The following ZGRF1 variants were observed in gnomAD, a reference collection of about 807,000 sequenced individuals.
The protein encoded by ZGRF1 is 5'-3' DNA helicase ZGRF1.
In ZGRF1, 196 loss-of-function variants were observed where a neutral mutation model predicts 203.5. That is an observed-to-expected ratio of 0.96 (90% CI 0.86 to 1.08). The LOEUF (loss-of-function observed/expected upper bound fraction) is 1.08, where lower values mean the gene tolerates loss of function less well. ZGRF1 is among the 50% of genes least tolerant of loss of function. The pLI is 0.00. For missense variants in ZGRF1, 2,326 were observed against 2,416.3 expected (o/e 0.96, Z 0.78); for synonymous variants, 809 against 841.3 (o/e 0.96, Z 0.66).
chr4:112,573,233 C>A (rs1031819897), intron 16 of ZGRF1, among the ~76,000 whole-genome samples: 3 of 150,320 alleles, frequency 2.0e-5, no homozygotes, highest in Admixed American at 2.0e-4. Flanking sequence ...TAAAAAGAAA[C>A]GAATAATGGC....
chr4:112,551,979 T>C (rs1348346866), intron 22 of ZGRF1, among the ~76,000 whole-genome samples: 1 of 152,160 alleles, frequency 6.6e-6, no homozygotes, highest in African/African-American at 2.4e-5. Flanking sequence ...CATGCCACTT[T>C]AGAAATGAGT....
chr4:112,568,787 G>A (rs561563827), intron 16 of ZGRF1, among the ~76,000 whole-genome samples: 10 of 151,518 alleles, frequency 6.6e-5, no homozygotes, highest in South Asian at 4.2e-4. Context: ...AGGCCAAGGC[G>A]GGCAGATTAC....
chr4:112,619,593 A>ATAGTAGGGCCAGTTTTCT lies in ZGRF1; in HGVS notation c.431_448dup (p.Lys144_Thr149dup). 1 of 1,614,138 alleles carries ATAGTAGGGCCAGTTTTCT rather than the reference A, an allele frequency of 6.2e-7. No homozygotes were observed. Among genetic ancestry groups the ATAGTAGGGCCAGTTTTCT allele is most frequent in the Non-Finnish European group, 8.5e-7 (1 of 1,180,000 alleles). ...AGGCATGCTGCAGAATGGAGAAAAA[A>ATAGTAGGGCCAGTTTTCT]TAGTAGGGCCAGTTTTCTTAGCCTC... On this transcript the variant is annotated inframe_insertion, in exon 6 of 28. Coordinates refer to ENST00000505019, the MANE Select transcript of ZGRF1 (RefSeq NM_018392.5).
chr4:112,564,855 T>G, intron 16 of ZGRF1: 2 of 604,648 alleles, frequency 3.3e-6, no homozygotes, highest in East Asian at 5.6e-5. Flanking sequence ...GAAGGTCACA[T>G]TATAAATTCT....
chr4:112,621,359 TAAG>T (rs1193599632), intron 4 of ZGRF1, among the ~76,000 whole-genome samples: 1 of 152,048 alleles, frequency 6.6e-6, no homozygotes, highest in Non-Finnish European at 1.5e-5. Context: ...AGCATAAAAA[TAAG>T]ATTATCACCA....
At chr4:112,608,196 G>A (rs1253885808) in intron 8 of ZGRF1, among the ~76,000 whole-genome samples, 3 of 152,116 alleles carry the variant, frequency 2.0e-5, no homozygotes, top group Admixed American at 6.6e-5. Context: ...TTATAGGCAC[G>A]GGCCACTGCT....
At chr4:112,545,421 A>G (rs1738548307) in intron 24 of ZGRF1, among the ~76,000 whole-genome samples, 1 of 152,200 alleles carries the variant, frequency 6.6e-6, no homozygotes, top group Non-Finnish European at 1.5e-5. Flanking sequence ...CTTTAGGGAA[A>G]CCACAATAAG....
intron 24 of ZGRF1, among the ~76,000 whole-genome samples, chr4:112,543,497 CT>C (rs1441626200): frequency 6.6e-6 from 1 of 152,174 alleles, no homozygotes; most frequent in Non-Finnish European, 1.5e-5. Context: ...GACTAAATCA[CT>C]TTTTTGTCCA....
intron 16 of ZGRF1, chr4:112,565,525 A>G (rs1742890405): frequency 3.3e-6 from 2 of 601,534 alleles, no homozygotes; most frequent in Admixed American, 6.0e-5. Flanking sequence ...GAGCTTCTGC[A>G]CAGCAAAAGA....
At position 112,587,277 on chromosome 4, in the gene ZGRF1, C is replaced by T. The variant is rs775750981; in HGVS notation, c.3777+3G>A. ...GCACCACAAGACCGGTACATTTCCTCACCTGTAAATCCTTTACACTGTAGT... is the reference window on the plus strand; with the variant it reads ...GCACCACAAGACCGGTACATTTCCTTACCTGTAAATCCTTTACACTGTAGT... On this transcript the variant is annotated splice_donor_region_variant and intron_variant, in intron 12 of 27. Transcript: ENST00000505019. 6.3e-7 allele frequency: 1 copy of T among 1,592,298 alleles called. No homozygotes were observed. Among genetic ancestry groups the T allele is most frequent in the East Asian group, 2.2e-5 (1 of 44,660 alleles).
chr4:112,621,661 A>AAATC (rs2047064300), intron 4 of ZGRF1, among the ~76,000 whole-genome samples: 1 of 151,742 alleles, frequency 6.6e-6, no homozygotes, highest in Non-Finnish European at 1.5e-5. Context: ...CTCAAAAAAA[A>AAATC]AAAAAAATTA....
chr4:112,584,002 T>A lies in ZGRF1; in HGVS notation c.4274A>T (p.Tyr1425Phe). ...CCTCACCAAAAGCTGGCATTCCTCA[T>A]AAAGTGGTATCTTTTGACTTCTTAA... ...LYLRSQKIPL[Y>F]EECQLLVRKG... The change falls in exon 15 of 28, where the codon TAT becomes TTT. Residue 1425 changes from tyrosine to phenylalanine, a missense_variant. Physicochemically the swap from Tyr to Phe is conservative, Grantham distance 22 (BLOSUM62 3). Coordinates refer to ENST00000505019, the MANE Select transcript of ZGRF1 (RefSeq NM_018392.5). The A allele has an allele frequency of 6.2e-7, 1 of 1,606,748 alleles. No individual in the cohort carries two copies.
chr4:112,619,087 T>A lies in ZGRF1; in HGVS notation c.955A>T (p.Asn319Tyr), dbSNP rs748319184. 5 of 1,613,994 alleles carry A rather than the reference T, an allele frequency of 3.1e-6. No homozygotes were observed. The highest frequency in any genetic ancestry group is 4.2e-6 in the Non-Finnish European group (5 of 1,179,964). Residue 319 changes from asparagine (N) to tyrosine (Y), a missense_variant, in exon 6 of 28, where the codon AAT becomes TAT. Physicochemically the swap from Asn to Tyr is moderately radical, Grantham distance 143 (BLOSUM62 -2). Transcript: ENST00000505019. Reference sequence around the variant, plus strand: ...CACCGGCTTTTATTTCTCATGGTATTTTCTGATTGATGCTGGTAGTATAAA... The same window carrying A: ...CACCGGCTTTTATTTCTCATGGTATATTCTGATTGATGCTGGTAGTATAAA... ...ENLYYQHQSE[N>Y]TMRNKSRWAM...
Position 112,539,885 on chromosome 4 carries a change from T to C in ZGRF1, c.6150A>G (p.Gly2050=). The C allele has an allele frequency of 6.2e-7, 1 of 1,613,858 alleles. No homozygotes were observed. The highest frequency in any genetic ancestry group is 8.5e-7 in the Non-Finnish European group (1 of 1,179,806). Residue 2050 remains glycine (G), a synonymous_variant, in exon 27 of 28, where the codon GGA becomes GGG. Coordinates refer to ENST00000505019, the MANE Select transcript of ZGRF1 (RefSeq NM_018392.5). The part of the protein sequence containing the change: ...LACLRKNQLW[G]RVIQHCEGRE... ...TACCTTCGCAGTGTTGGATCACTCG[T>C]CCCCAAAGTTGATTTTTCCTCAAAC...
intron 15 of ZGRF1, among the ~76,000 whole-genome samples, chr4:112,582,602 G>A (rs1391579564): frequency 6.6e-6 from 1 of 151,924 alleles, no homozygotes; most frequent in African/African-American, 2.4e-5. Context: ...TACAGGTGCA[G>A]GCCACCACAC....
At chr4:112,609,105 G>A (rs1204294209) in intron 8 of ZGRF1, among the ~76,000 whole-genome samples, 1 of 151,348 alleles carries the variant, frequency 6.6e-6, no homozygotes, top group East Asian at 1.9e-4. Context: ...CCAGGCTGGA[G>A]TGCAGTGGCG....
intron 10 of ZGRF1, among the ~76,000 whole-genome samples, chr4:112,595,213 G>C (rs774605527): frequency 5.3e-5 from 8 of 152,184 alleles, no homozygotes; most frequent in Non-Finnish European, 8.8e-5. Context: ...GTCATTGCCT[G>C]TACATGTGCA....
intron 22 of ZGRF1, among the ~76,000 whole-genome samples, chr4:112,551,769 T>A (rs573027346): frequency 2.0e-5 from 3 of 152,212 alleles, no homozygotes; most frequent in Middle Eastern, 3.4e-3. Flanking sequence ...TCTAAAGTTA[T>A]GTGTCAAGAA....
intron 8 of ZGRF1, among the ~76,000 whole-genome samples, chr4:112,607,017 ATATT>A (rs1264631045): frequency 2.0e-5 from 3 of 152,246 alleles, no homozygotes; most frequent in Admixed American, 6.5e-5. Flanking sequence ...ATAAAGTAGT[ATATT>A]TCTTCAAATA....
Sources: allele counts gnomAD v4.1 joint callset (sites outside exome capture counted in the v4.1 genomes callset), GRCh38; gene constraint gnomAD v4.1.1; transcripts MANE v1.5; gene names NCBI Gene and HGNC (gene_info 2026-07-23, HGNC 2026-07-21).